The following ZNF782 variants were observed in gnomAD, a reference collection of about 807,000 sequenced individuals.
ZNF782 encodes zinc finger protein 782.
In ZNF782, 12 loss-of-function variants were observed where a neutral mutation model predicts 13.0. That is an observed-to-expected ratio of 0.92 (90% confidence interval 0.59 to 1.50). The LOEUF is 1.50. ZNF782 is among the 40% of genes most tolerant of loss of function. The pLI is 0.00. For missense variants in ZNF782, 770 were observed against 822.9 expected, an observed-to-expected ratio of 0.94 and a Z score of 0.79; for synonymous variants, 284 against 283.0, an observed-to-expected ratio of 1.00 and a Z score of -0.04.
the ZNF782 span, among the ~76,000 whole-genome samples, chr9:96,883,613 C>T: frequency 6.6e-6 from 1 of 152,176 alleles, no homozygotes; most frequent in Non-Finnish European, 1.5e-5. Context: ...TAGAAGGGAG[C>T]TCTGTGAAGT....
At chr9:96,847,898 T>C (rs535296139) in intron 3 of ZNF782, among the ~76,000 whole-genome samples, 1 of 152,256 alleles carries the variant, frequency 6.6e-6, no homozygotes, top group South Asian at 2.1e-4. Context: ...ATATCCCTGA[T>C]GAACATAGAT....
At chr9:96,931,859 G>C in the ZNF782 span, 1 of 1,612,342 alleles carries the variant, frequency 6.2e-7, no homozygotes, top group Non-Finnish European at 8.5e-7. Flanking sequence ...TCCTCCAGCC[G>C]GCCCTCTGGT....
chr9:96,905,977 G>T, the ZNF782 span, among the ~76,000 whole-genome samples: 1 of 152,152 alleles, frequency 6.6e-6, no homozygotes, highest in Non-Finnish European at 1.5e-5. Flanking sequence ...CCTCTCTTGG[G>T]CTCTGGGTCA....
chr9:96,889,270 A>G, the ZNF782 span: 50 of 152,332 alleles, frequency 3.3e-4, no homozygotes, highest in African/African-American at 1.2e-3. Context: ...AATTCCAGAC[A>G]TGACACCAGG....
intron 1 of ZNF782, among the ~76,000 whole-genome samples, chr9:96,865,738 C>A (rs1164653029): frequency 6.6e-6 from 1 of 152,170 alleles, no homozygotes; most frequent in Non-Finnish European, 1.5e-5. Flanking sequence ...TCTCTAGAGA[C>A]TTCTTTAACG....
At chr9:96,932,653 T>C in the ZNF782 span, among the ~76,000 whole-genome samples, 3,654 of 100,232 alleles carry the variant, frequency 0.036, 86 homozygotes, top group African/African-American at 0.16. Context: ...CAATCCTTAA[T>C]TTTTTTTTTT....
At chr9:96,892,856 T>C in the ZNF782 span, 3 of 152,108 alleles carry the variant, frequency 2.0e-5, no homozygotes, top group South Asian at 6.2e-4. Flanking sequence ...TTTTTAACAA[T>C]TGTACTAAAT....
At chr9:96,914,112 G>C in the ZNF782 span, among the ~76,000 whole-genome samples, 57 of 150,976 alleles carry the variant, frequency 3.8e-4, 1 homozygote, top group Non-Finnish European at 7.4e-5. Flanking sequence ...TATTTTTTTG[G>C]GCCTTCACTT....
chr9:96,827,610 T>C (rs760742920), intron 4 of ZNF782, among the ~76,000 whole-genome samples: 13 of 152,148 alleles, frequency 8.5e-5, no homozygotes, highest in Admixed American at 2.0e-4. Flanking sequence ...CAAAAAACAT[T>C]TTCTTATTCT....
intron 4 of ZNF782, 81 bp from the exon 5 acceptor site, chr9:96,827,262 G>C (rs1850656867): frequency 1.0e-6 from 1 of 978,610 alleles, no homozygotes; most frequent in South Asian, 1.6e-5. Context: ...TACAGCTTCA[G>C]AAGGGGCATA....
At chr9:96,832,104 A>C (rs1850823046) in intron 4 of ZNF782, among the ~76,000 whole-genome samples, 1 of 151,230 alleles carries the variant, frequency 6.6e-6, no homozygotes, top group East Asian at 1.9e-4. Flanking sequence ...TCCATTTTTT[A>C]CTTATCTATT....
intron 1 of ZNF782, among the ~76,000 whole-genome samples, chr9:96,871,566 AG>A (rs1851828951): frequency 6.6e-6 from 1 of 152,180 alleles, no homozygotes; most frequent in Admixed American, 6.5e-5. Flanking sequence ...TTCAGGAGCT[AG>A]GCATGCCTGT....
chr9:96,930,516 T>C, the ZNF782 span, among the ~76,000 whole-genome samples: 2 of 123,228 alleles, frequency 1.6e-5, no homozygotes, highest in Admixed American at 8.5e-5. Flanking sequence ...AGAGCGAGAC[T>C]CCGTCTCAAA....
chr9:96,933,221 T>G, the ZNF782 span, among the ~76,000 whole-genome samples: 2,119 of 150,826 alleles, frequency 0.014, 24 homozygotes, highest in South Asian at 0.024. Context: ...CTGGTGATTC[T>G]CCCGCCTCGG....
intron 5 of ZNF782, among the ~76,000 whole-genome samples, chr9:96,822,138 A>C (rs1300232096): frequency 6.6e-6 from 1 of 152,244 alleles, no homozygotes; most frequent in African/African-American, 2.4e-5. Context: ...ACAAGTGCTC[A>C]GACTCAATGC....
upstream of ZNF782, among the ~76,000 whole-genome samples, chr9:96,879,855 TATTC>T (rs781782426): frequency 6.6e-6 from 1 of 152,240 alleles, no homozygotes; most frequent in Non-Finnish European, 1.5e-5. Flanking sequence ...TTAACTCACT[TATTC>T]GTTTTAGGAT....
intron 4 of ZNF782, among the ~76,000 whole-genome samples, chr9:96,843,068 A>G (rs1349241151): frequency 6.6e-6 from 1 of 152,160 alleles, no homozygotes; most frequent in South Asian, 2.1e-4. Context: ...AGGATAGGGA[A>G]TAACTGGATC....
chr9:96,922,905 A>G, the ZNF782 span, among the ~76,000 whole-genome samples: 1 of 148,966 alleles, frequency 6.7e-6, no homozygotes, highest in East Asian at 2.1e-4. Flanking sequence ...CCGGTCCACC[A>G]TATTCTCCAC....
intron 1 of ZNF782, among the ~76,000 whole-genome samples, chr9:96,869,416 TTTG>T (rs1207418567): frequency 1.3e-5 from 2 of 152,212 alleles, no homozygotes; most frequent in Non-Finnish European, 1.5e-5. Context: ...TTCTTTACTA[TTTG>T]TTATCATTTA....
Sources: allele counts gnomAD v4.1 joint callset (sites outside exome capture counted in the v4.1 genomes callset), GRCh38; gene constraint gnomAD v4.1.1; transcripts MANE v1.5; gene names NCBI Gene and HGNC (gene_info 2026-07-23, HGNC 2026-07-21).